The following USH1C variants were observed in gnomAD, a reference collection of about 807,000 sequenced individuals.
USH1C encodes harmonin.
A neutral mutation model predicts 119.3 loss-of-function variants in USH1C; 90 were observed. The ratio of observed to expected loss-of-function variants is 0.75; its 90% CI spans 0.64 to 0.90. The LOEUF (loss-of-function observed/expected upper bound fraction) is 0.90, where lower values mean the gene tolerates loss of function less well. USH1C is among the 40% of genes least tolerant of loss of function. The pLI, the probability that USH1C is intolerant of heterozygous loss-of-function variation, is 0.00. For missense variants in USH1C, 1,165 were observed against 1,167.7 expected (o/e 1.00, Z 0.03); for synonymous variants, 465 against 443.3 (o/e 1.05, Z -0.62).
intron 11 of USH1C, 79 bp from the exon 12 acceptor site, chr11:17,523,005 G>A: frequency 6.3e-7 from 1 of 1,597,336 alleles, no homozygotes; most frequent in African/African-American, 1.3e-5. Context: ...GGGCCGAGAT[G>A]CAGGTGGTCT....
chr11:17,517,028 G>A (rs900541681), intron 14 of USH1C, among the ~76,000 whole-genome samples: 3 of 152,178 alleles, frequency 2.0e-5, no homozygotes, highest in Non-Finnish European at 2.9e-5. Context: ...CCTGAGTGCT[G>A]GAACAGGATG....
intron 14 of USH1C, chr11:17,516,529 T>C (rs1850154200): frequency 1.8e-6 from 1 of 552,678 alleles, no homozygotes; most frequent in Admixed American, 2.9e-5. Context: ...TGGGTCACTC[T>C]CAAATGCCTC....
chr11:17,517,277 T>A, intron 14 of USH1C: 1 of 1,019,846 alleles, frequency 9.8e-7, no homozygotes, highest in Non-Finnish European at 1.5e-6. Context: ...GGAGGAGCTT[T>A]ACAGACTCTA....
At position 17,526,659 on chromosome 11, in the gene USH1C, G is replaced by A. The variant is rs1592011979; in HGVS notation, c.579+94C>T. 9 of 1,397,992 alleles carry A rather than the reference G, an allele frequency of 6.4e-6. No individual in the cohort carries two copies. The South Asian group carries it at 1.1e-4, about 17-fold the overall frequency. 86.6% of individuals were successfully genotyped at this position (1,397,992 alleles called of 1,614,324 possible). A position where few individuals can be genotyped will look rare whatever the true frequency, so the allele number is the denominator to read the frequency against. ...GGGAGCCTGTGTGAAGCCCCTGAGG[G>A]TGCATCTCTAGAGCAAGCCCTCCCT... On this transcript the variant is annotated intron_variant, in intron 7 of 26. Coordinates refer to ENST00000005226, the MANE Select transcript of USH1C (RefSeq NM_153676.4).
At chr11:17,528,749 C>A (rs1592017675) in intron 4 of USH1C, among the ~76,000 whole-genome samples, 1 of 152,184 alleles carries the variant, frequency 6.6e-6, no homozygotes, top group Non-Finnish European at 1.5e-5. Flanking sequence ...GGGACACAGA[C>A]CCCAGTCTTC....
intron 4 of USH1C, 36 bp from the exon 5 acceptor site, chr11:17,527,367 A>G (rs745390895): frequency 6.6e-7 from 1 of 1,521,628 alleles, no homozygotes. Context: ...CACCAGGTGG[A>G]GGGAGCATCA....
chr11:17,503,250 G>A (rs1387509450), intron 20 of USH1C, among the ~76,000 whole-genome samples: 1 of 152,204 alleles, frequency 6.6e-6, no homozygotes, highest in Non-Finnish European at 1.5e-5. Flanking sequence ...ATGTGGAGTC[G>A]ATGCTCTTTG....
chr11:17,508,877 A>G (rs1378697218), intron 18 of USH1C, among the ~76,000 whole-genome samples: 1 of 152,200 alleles, frequency 6.6e-6, no homozygotes, highest in Non-Finnish European at 1.5e-5. Flanking sequence ...GTACAGTGTT[A>G]TCACTTCATT....
intron 18 of USH1C, among the ~76,000 whole-genome samples, chr11:17,508,696 G>GA (rs1849742979): frequency 6.6e-6 from 1 of 152,124 alleles, no homozygotes; most frequent in Admixed American, 6.5e-5. Context: ...TAACATCCAA[G>GA]AAAAACATTC....
chr11:17,527,639 A>C lies in USH1C; in HGVS notation c.388-308T>G, dbSNP rs374683672. ...TCAGAACTCTCTGCACCCTCACTCT[A>C]GTGCCCCTTTCACTCCACTGGGGCA... On this transcript the variant is annotated intron_variant, in intron 4 of 26. Coordinates refer to ENST00000005226, the MANE Select transcript of USH1C (RefSeq NM_153676.4). Among the ~76,000 whole-genome samples, 16 of 152,314 alleles carry C rather than the reference A, an allele frequency of 1.1e-4. No homozygotes were observed. The East Asian group carries it at 2.7e-3, about 26-fold the overall frequency.
chr11:17,516,386 G>T, intron 14 of USH1C, 96 bp from the exon 15 acceptor site: 2 of 1,214,260 alleles, frequency 1.6e-6, no homozygotes. Context: ...AGGAATGCAT[G>T]ACTTTGTGAG....
intron 18 of USH1C, 42 bp downstream of exon 18, chr11:17,509,314 T>C (rs764595015): frequency 6.5e-7 from 1 of 1,527,082 alleles, no homozygotes; most frequent in Admixed American, 2.0e-5. Context: ...TTCTCCCCAC[T>C]CTTCCTACTT....
Position 17,505,878 on chromosome 11 carries a change from G to A in USH1C, c.2085C>T (p.His695=). The change falls in exon 19 of 27, where the codon CAC becomes CAT. Residue 695 remains histidine, a synonymous_variant. Transcript: ENST00000005226. ...VSTISKPVMV[H]QEPNFIYRPA... ...GCCTGTAGATGAAATTGGGCTCCTG[G>A]TGGACCATGACAGGTTTGGAGATGG... is the stretch of plus-strand genomic sequence containing the variant. The A allele has an allele frequency of 6.2e-7, 1 of 1,614,220 alleles. No individual in the cohort carries two copies. The highest frequency in any genetic ancestry group is 8.5e-7 in the Non-Finnish European group (1 of 1,180,034).
chr11:17,516,609 C>A (rs1390907416), intron 14 of USH1C: 8 of 409,934 alleles, frequency 2.0e-5, no homozygotes, highest in Non-Finnish European at 3.2e-5. Context: ...GAAGGATGAG[C>A]TTTTCCAAAT....
chr11:17,525,123 A>C (rs2133887962), intron 8 of USH1C, among the ~76,000 whole-genome samples: 1 of 152,134 alleles, frequency 6.6e-6, no homozygotes, highest in South Asian at 2.1e-4. Flanking sequence ...TTGGTGGCAG[A>C]AGTCACTCAT....
At chr11:17,533,400 T>G in intron 1 of USH1C, 78 bp from the exon 2 acceptor site, 1 of 1,014,944 alleles carries the variant, frequency 9.9e-7, no homozygotes, top group Non-Finnish European at 1.5e-6. Context: ...GGAGAGGTCA[T>G]CCCCAAGGGC....
chr11:17,525,781 A>G (rs1049287342), intron 8 of USH1C, among the ~76,000 whole-genome samples: 1 of 152,246 alleles, frequency 6.6e-6, no homozygotes, highest in Middle Eastern at 3.2e-3. Flanking sequence ...TCAAGGGCCC[A>G]CAAGGTAACA....
rs983076763 is a variant in USH1C, at chr11:17,495,442, C to A, written c.2655+127G>T. 4 of 996,374 alleles carry A rather than the reference C, an allele frequency of 4.0e-6. No individual in the cohort carries two copies. In the African/African-American group the frequency reaches 6.3e-5, roughly 16 times the overall value. 61.7% of individuals were successfully genotyped at this position (996,374 alleles called of 1,614,324 possible). A position where few individuals can be genotyped will look rare whatever the true frequency, so the allele number is the denominator to read the frequency against. ...GGCCAACAGCAGGCCCCAGGCAGCA[C>A]TTCAGGGATGGCGCCTTGTGTACCC... On this transcript the variant is annotated intron_variant, in intron 26 of 26. Coordinates refer to ENST00000005226, the MANE Select transcript of USH1C (RefSeq NM_153676.4).
intron 4 of USH1C, among the ~76,000 whole-genome samples, chr11:17,527,864 AT>A (rs377483179): frequency 7.3e-5 from 11 of 151,234 alleles, no homozygotes; most frequent in African/African-American, 1.9e-4. Flanking sequence ...CACACATATG[AT>A]TTTTTTTTCC....
Sources: allele counts gnomAD v4.1 joint callset (sites outside exome capture counted in the v4.1 genomes callset), GRCh38; gene constraint gnomAD v4.1.1; transcripts MANE v1.5; gene names NCBI Gene and HGNC (gene_info 2026-07-23, HGNC 2026-07-21).